The following DDX60 variants were observed in gnomAD, a reference collection of about 807,000 sequenced individuals.
DDX60 encodes probable ATP-dependent RNA helicase DDX60.
DDX60 carries 165 observed loss-of-function variants against 212.8 expected under a neutral mutation model. The ratio of observed to expected loss-of-function variants is 0.78; its 90% CI spans 0.68 to 0.88. The LOEUF is 0.88. Ranked by LOEUF, DDX60 falls within the 40% of genes least tolerant of loss-of-function variation. The pLI, the probability that DDX60 is intolerant of heterozygous loss-of-function variation, is 0.00. For missense variants in DDX60, 1,905 were observed against 2,003.9 expected (o/e 0.95, Z 0.94); for synonymous variants, 703 against 685.3 (o/e 1.03, Z -0.40).
intron 1 of DDX60, among the ~76,000 whole-genome samples, chr4:168,312,742 A>ATAGATAGATAGATAGATAGATAGT (rs1737194732): frequency 6.6e-6 from 1 of 152,154 alleles, no homozygotes; most frequent in Non-Finnish European, 1.5e-5. Flanking sequence ...AGATAGATAG[A>ATAGATAGATAGATAGATAGATAGT]TAGATATGAT....
intron 33 of DDX60, among the ~76,000 whole-genome samples, chr4:168,227,403 T>A (rs1255248362): frequency 1.3e-5 from 2 of 152,066 alleles, no homozygotes; most frequent in African/African-American, 4.8e-5. Flanking sequence ...AAATAGAGCC[T>A]GTAGTACTGC....
upstream of DDX60, among the ~76,000 whole-genome samples, chr4:168,320,569 T>C (rs944749779): frequency 6.6e-6 from 1 of 152,162 alleles, no homozygotes; most frequent in African/African-American, 2.4e-5. Context: ...AGAACAAACT[T>C]GTGTGGTATT....
chr4:168,271,244 G>A (rs890348378), intron 19 of DDX60, among the ~76,000 whole-genome samples: 4 of 152,068 alleles, frequency 2.6e-5, no homozygotes, highest in Admixed American at 2.0e-4. Context: ...CCAATAAATC[G>A]CTACAAATCT....
chr4:168,312,305 C>G (rs1737169730), intron 1 of DDX60, among the ~76,000 whole-genome samples: 1 of 152,038 alleles, frequency 6.6e-6, no homozygotes. Context: ...TTCAAGATTC[C>G]CCATAAGCCA....
chr4:168,291,813 G>A lies in DDX60; in HGVS notation c.976C>T (p.Gln326Ter). Residue 326 changes from glutamine (Q) to a stop codon, truncating the protein, a stop_gained, in exon 8 of 38, where the codon CAA (glutamine) becomes TAA (stop). Transcript: ENST00000393743. LOFTEE classifies it high-confidence loss of function. ...VVFLLHLPLS[Q>*]RACARVITSH... Reference sequence around the variant, plus strand: ...GTGATGACTCTAGCACAAGCTCTTTGAGAAAGAGGCAGATGGAGTAGAAAA... The same window carrying A: ...GTGATGACTCTAGCACAAGCTCTTTAAGAAAGAGGCAGATGGAGTAGAAAA... The A allele has an allele frequency of 6.2e-7, 1 of 1,613,820 alleles. No individual in the cohort carries two copies. Among genetic ancestry groups the A allele is most frequent in the Non-Finnish European group, 8.5e-7 (1 of 1,179,816 alleles).
chr4:168,262,997 T>A (rs749756022), intron 22 of DDX60, among the ~76,000 whole-genome samples: 1 of 152,164 alleles, frequency 6.6e-6, no homozygotes, highest in Non-Finnish European at 1.5e-5. Context: ...CAAAAAATTT[T>A]AATATTACTT....
intron 6 of DDX60, among the ~76,000 whole-genome samples, chr4:168,298,852 A>G (rs190945714): frequency 6.6e-6 from 1 of 152,238 alleles, no homozygotes; most frequent in African/African-American, 2.4e-5. Context: ...TAGTGGAAAA[A>G]AAAAAGAAAT....
At chr4:168,236,067 G>T in intron 33 of DDX60, 185 bp downstream of exon 33, 2 of 476,990 alleles carry the variant, frequency 4.2e-6, no homozygotes, top group South Asian at 4.2e-5. Context: ...TAACTTTTTG[G>T]TAGATTTACA....
intron 6 of DDX60, among the ~76,000 whole-genome samples, chr4:168,300,916 C>T (rs1234939469): frequency 2.6e-5 from 4 of 151,936 alleles, no homozygotes; most frequent in South Asian, 4.2e-4. Flanking sequence ...AATTACTATA[C>T]GGAGGGAAAT....
Position 168,273,376 on chromosome 4 carries a change from G to A in DDX60, c.2477C>T (p.Ala826Val). ...PTKALVNQVA[A>V]TVQNRFTKNL... ...TTTCGTAAAACGATTCTGAACAGTT[G>A]CTGCCACTTGATTAACAAGGGCCTG... The change falls in exon 18 of 38, where the codon GCA becomes GTA. Residue 826 changes from alanine (A) to valine (V), a missense_variant. Coordinates refer to ENST00000393743, the MANE Select transcript of DDX60 (RefSeq NM_017631.6). The A allele has an allele frequency of 6.2e-7, 1 of 1,613,762 alleles. No homozygotes were observed. Among genetic ancestry groups the A allele is most frequent in the Non-Finnish European group, 8.5e-7 (1 of 1,179,808 alleles).
chr4:168,302,995 A>G (rs1170630641), intron 5 of DDX60, among the ~76,000 whole-genome samples: 1 of 152,170 alleles, frequency 6.6e-6, no homozygotes, highest in African/African-American at 2.4e-5. Context: ...TAACAAAAAT[A>G]AAATCCTTCA....
intron 1 of DDX60, among the ~76,000 whole-genome samples, chr4:168,314,089 G>C (rs116773967): frequency 6.6e-6 from 1 of 152,094 alleles, no homozygotes; most frequent in Non-Finnish European, 1.5e-5. Flanking sequence ...AAGACAATGC[G>C]TGTAAAGCCT....
At chr4:168,219,080 G>T (rs1040595771) in intron 37 of DDX60, among the ~76,000 whole-genome samples, 1 of 151,158 alleles carries the variant, frequency 6.6e-6, no homozygotes. Context: ...CAGGAATTTT[G>T]AGACCAGCCT....
chr4:168,307,439 T>C (rs1162014715), intron 4 of DDX60, among the ~76,000 whole-genome samples: 1 of 152,128 alleles, frequency 6.6e-6, no homozygotes, highest in South Asian at 2.1e-4. Context: ...CAAACCATCA[T>C]AAAACATTGA....
In DDX60 at chr4:168,237,725, T is replaced by C; in HGVS notation, c.4235A>G (p.Tyr1412Cys). 1 of 1,611,844 alleles carries C rather than the reference T, an allele frequency of 6.2e-7. No individual in the cohort carries two copies. Among genetic ancestry groups the C allele is most frequent in the African/African-American group, 1.3e-5 (1 of 74,976 alleles). Residue 1412 changes from tyrosine to cysteine, a missense_variant, in exon 31 of 38, where the codon TAC becomes TGC. By Grantham distance (194) the Tyr-to-Cys change is radical. Transcript: ENST00000393743. ...QPRVMDMLKL[Y>C]FLFSLQFLVK... ...CAGGAACTGCAAAGAAAACAGGAAG[T>C]AAAGTTTTAACATGTCCATGACTCT...
chr4:168,297,930 T>A (rs1036358194), intron 6 of DDX60, among the ~76,000 whole-genome samples: 7 of 150,962 alleles, frequency 4.6e-5, no homozygotes, highest in South Asian at 2.1e-4. Flanking sequence ...GTAATAATGA[T>A]AATTTAATAA....
rs145592634 is a variant in DDX60, at chr4:168,248,175, C to T, written c.3963+13G>A. The T allele has an allele frequency of 6.4e-7, 1 of 1,565,520 alleles. No homozygotes were observed. The highest frequency in any genetic ancestry group is 2.3e-5 in the East Asian group (1 of 43,600). ...CAGCAATACAATAAGCAAGTTTATGCATTTTGCAATACCTGTCTATAATTC... is the reference window on the plus strand; with the variant it reads ...CAGCAATACAATAAGCAAGTTTATGTATTTTGCAATACCTGTCTATAATTC... On this transcript the variant is annotated intron_variant, in intron 29 of 37. Coordinates refer to ENST00000393743, the MANE Select transcript of DDX60 (RefSeq NM_017631.6).
At chr4:168,248,693 C>T (rs115962019) in intron 28 of DDX60, among the ~76,000 whole-genome samples, 1 of 152,086 alleles carries the variant, frequency 6.6e-6, no homozygotes, top group African/African-American at 2.4e-5. Context: ...ATACCAGACT[C>T]CAAGCAAGAT....
rs1350443880 is a variant in DDX60, at chr4:168,220,429, G to A, written c.5039+226C>T. On this transcript the variant is annotated intron_variant, in intron 37 of 37. Coordinates refer to ENST00000393743, the MANE Select transcript of DDX60 (RefSeq NM_017631.6). ...TGCCTGGGGCTGAGACTCTAGTCTG[G>A]ATGAAACTTCATCTCAACTAGACAT... The A allele has an allele frequency of 3.1e-5, 11 of 353,384 alleles. No individual in the cohort carries two copies. The East Asian group carries it at 8.3e-4, about 27-fold the overall frequency. The allele number at this position is 353,384 out of a possible 1,614,324, so 21.9% of individuals were successfully genotyped here.
Sources: allele counts gnomAD v4.1 joint callset (sites outside exome capture counted in the v4.1 genomes callset), GRCh38; gene constraint gnomAD v4.1.1; transcripts MANE v1.5; gene names NCBI Gene and HGNC (gene_info 2026-07-23, HGNC 2026-07-21).